Variants in KCNU1 observed in about 807,000 individuals in gnomAD.
The protein encoded by KCNU1 is potassium channel subfamily U member 1.
Under a neutral mutation model 126.8 loss-of-function variants are expected in KCNU1, and 93 were observed. That is an observed-to-expected ratio of 0.73 (90% CI 0.62 to 0.87). The LOEUF (loss-of-function observed/expected upper bound fraction) is 0.87, where lower values mean the gene tolerates loss of function less well. Ranked by LOEUF, KCNU1 falls within the 40% of genes least tolerant of loss-of-function variation. The probability of loss-of-function intolerance (pLI) is 0.00; values close to 1 mark genes in which losing one functional copy is unlikely to be tolerated. For missense variants in KCNU1, 1,330 were observed against 1,367.1 expected, an observed-to-expected ratio of 0.97 and a Z score of 0.43; for synonymous variants, 523 against 494.2, an observed-to-expected ratio of 1.06 and a Z score of -0.77.
At chr8:36,838,800 G>A (rs79926822) in intron 14 of KCNU1, among the ~76,000 whole-genome samples, 2,780 of 152,272 alleles carry the variant, frequency 0.018, 39 homozygotes, top group Non-Finnish European at 0.03. Flanking sequence ...TAGCTTACAG[G>A]AATTGAGAGA....
At chr8:36,934,028 T>C (rs1173495003) in intron 26 of KCNU1, among the ~76,000 whole-genome samples, 1 of 151,926 alleles carries the variant, frequency 6.6e-6, no homozygotes, top group African/African-American at 2.4e-5. Flanking sequence ...AGAAGAAAGA[T>C]TGGAAATCCC....
intron 3 of KCNU1, 139 bp from the exon 4 acceptor site, chr8:36,805,056 T>G: frequency 1.7e-6 from 1 of 587,630 alleles, no homozygotes; most frequent in South Asian, 2.3e-5. Flanking sequence ...AAAAGTTAAT[T>G]TCCTTGAGAT....
At chr8:36,820,724 G>GA (rs369494594) in intron 10 of KCNU1, among the ~76,000 whole-genome samples, 90 of 149,336 alleles carry the variant, frequency 6.0e-4, no homozygotes, top group African/African-American at 1.3e-3. Context: ...ACCTCAGAGA[G>GA]AAAAAAAAAA....
Position 36,935,847 on chromosome 8 carries a change from C to A in KCNU1, c.3377C>A (p.Ala1126Glu), listed in dbSNP as rs769755053. The A allele has an allele frequency of 2.2e-5, 36 of 1,610,984 alleles. No homozygotes were observed. The highest frequency in any genetic ancestry group is 3.0e-5 in the Non-Finnish European group (35 of 1,178,852). ...ISSQIPLGDN[A>E]KENERKTSDE... ...TCTCAGATACCTTTAGGTGACAATG[C>A]AAAAGAAAATGAAAGGAAAACTTCA... The change falls in exon 27 of 27, where the codon GCA becomes GAA. Residue 1126 changes from alanine (A) to glutamate (E), a missense_variant. Ala to Glu is a moderately radical substitution (Grantham distance 107). Coordinates refer to ENST00000399881, the MANE Select transcript of KCNU1 (RefSeq NM_001031836.3).
At chr8:36,931,171 G>C in intron 25 of KCNU1, 26 bp downstream of exon 25, 1 of 1,555,500 alleles carries the variant, frequency 6.4e-7, no homozygotes, top group Non-Finnish European at 8.7e-7. Context: ...TCAGAATTCA[G>C]TTTTTCACTT....
chr8:36,920,579 T>C (rs1018070042), intron 23 of KCNU1, among the ~76,000 whole-genome samples: 1 of 152,070 alleles, frequency 6.6e-6, no homozygotes, highest in East Asian at 1.9e-4. Flanking sequence ...AAGGGTCATG[T>C]TGATGTGGGA....
At chr8:36,784,915 C>A (rs1364376016) in intron 1 of KCNU1, among the ~76,000 whole-genome samples, 1 of 152,198 alleles carries the variant, frequency 6.6e-6, no homozygotes, top group Non-Finnish European at 1.5e-5. Context: ...TATGTCCATG[C>A]CTCTATCTCG....
chr8:36,846,417 A>G, intron 18 of KCNU1, among the ~76,000 whole-genome samples: 1 of 152,184 alleles, frequency 6.6e-6, no homozygotes, highest in East Asian at 1.9e-4. Flanking sequence ...CTCTAACTGA[A>G]CTCAGCAGTT....
intron 24 of KCNU1, among the ~76,000 whole-genome samples, chr8:36,930,297 G>A (rs1808659750): frequency 6.6e-6 from 1 of 152,074 alleles, no homozygotes; most frequent in Admixed American, 6.6e-5. Context: ...TCAGACTCAA[G>A]CTCATTTCAA....
At chr8:36,875,021 T>G (rs950875526) in intron 19 of KCNU1, among the ~76,000 whole-genome samples, 1 of 151,910 alleles carries the variant, frequency 6.6e-6, no homozygotes, top group Admixed American at 6.6e-5. Flanking sequence ...TTCCTCCTAA[T>G]GAATGTAAGT....
intron 2 of KCNU1, 128 bp downstream of exon 2, chr8:36,787,553 C>A: frequency 1.4e-6 from 1 of 732,810 alleles, no homozygotes. Context: ...TATAATATCA[C>A]CACCTCCCCA....
chr8:36,800,515 C>T (rs1486037209), intron 2 of KCNU1, among the ~76,000 whole-genome samples: 3 of 152,222 alleles, frequency 2.0e-5, no homozygotes, highest in African/African-American at 7.2e-5. Context: ...GCTGTTGTCA[C>T]TAGCCAAGAG....
intron 24 of KCNU1, among the ~76,000 whole-genome samples, chr8:36,926,700 A>G (rs1314848562): frequency 6.6e-6 from 1 of 152,224 alleles, no homozygotes; most frequent in East Asian, 1.9e-4. Context: ...TTTATCCATA[A>G]TATCCCTCCA....
chr8:36,868,856 T>C (rs1406035282), intron 19 of KCNU1, among the ~76,000 whole-genome samples: 1 of 152,154 alleles, frequency 6.6e-6, no homozygotes. Flanking sequence ...CCTGTTTCTT[T>C]TCAGGGAGAT....
rs77686200 is a variant in KCNU1, at chr8:36,820,280, T to C, written c.1106+2520T>C. 2.2e-3 allele frequency among the ~76,000 whole-genome samples: 340 copies of C among 152,254 alleles called. 5 individuals carry two copies. Among genetic ancestry groups the C allele is most frequent in the African/African-American group, 7.7e-3 (321 of 41,556 alleles). Reference sequence around the variant, plus strand: ...TCTAGGATGGTTTGTTTTGCAGAAATAGATAATTGATACAACAAGTGGTAC... The same window carrying C: ...TCTAGGATGGTTTGTTTTGCAGAAACAGATAATTGATACAACAAGTGGTAC... On this transcript the variant is annotated intron_variant, in intron 10 of 26. Coordinates refer to ENST00000399881, the MANE Select transcript of KCNU1 (RefSeq NM_001031836.3).
At chr8:36,808,000 G>A (rs534777602) in intron 6 of KCNU1, among the ~76,000 whole-genome samples, 1 of 152,120 alleles carries the variant, frequency 6.6e-6, no homozygotes, top group African/African-American at 2.4e-5. Context: ...TGAGCAGTTT[G>A]GTCTGTTACC....
intron 19 of KCNU1, 110 bp downstream of exon 19, chr8:36,864,631 A>G: frequency 4.4e-6 from 3 of 677,122 alleles, no homozygotes; most frequent in South Asian, 3.5e-5. Context: ...ATACTGACCA[A>G]TGGAATTGTT....
intron 9 of KCNU1, among the ~76,000 whole-genome samples, chr8:36,817,001 A>G (rs1171441038): frequency 6.6e-6 from 1 of 152,220 alleles, no homozygotes; most frequent in Non-Finnish European, 1.5e-5. Flanking sequence ...GAATTAAGTG[A>G]AAAAATAAGT....
chr8:36,853,998 C>A (rs1483082860), intron 18 of KCNU1, among the ~76,000 whole-genome samples: 1 of 152,068 alleles, frequency 6.6e-6, no homozygotes, highest in African/African-American at 2.4e-5. Context: ...CTATTAAATT[C>A]TTTGTTGGCA....
Sources: allele counts gnomAD v4.1 joint callset (sites outside exome capture counted in the v4.1 genomes callset), GRCh38; gene constraint gnomAD v4.1.1; transcripts MANE v1.5; gene names NCBI Gene and HGNC (gene_info 2026-07-23, HGNC 2026-07-21).